Variants in FBXO25 observed in about 807,000 individuals in gnomAD.
The protein encoded by FBXO25 is F-box protein 25.
FBXO25 carries 45 observed loss-of-function variants against 51.9 expected under a neutral mutation model. The ratio of observed to expected loss-of-function variants is 0.87; its 90% CI spans 0.68 to 1.11. The LOEUF (loss-of-function observed/expected upper bound fraction) is 1.11, where lower values mean the gene tolerates loss of function less well. Ranked by LOEUF, FBXO25 falls within the 50% of genes most tolerant of loss-of-function variation. The pLI is 0.00. For missense variants in FBXO25, 507 were observed against 428.5 expected, an observed-to-expected ratio of 1.18 and a Z score of -1.62; for synonymous variants, 199 against 151.0, an observed-to-expected ratio of 1.32 and a Z score of -2.33.
intron 9 of FBXO25, among the ~76,000 whole-genome samples, chr8:466,391 G>T (rs1008012138): frequency 6.6e-6 from 1 of 152,200 alleles, no homozygotes; most frequent in African/African-American, 2.4e-5. Flanking sequence ...AGGAGCTGTG[G>T]ATGTTCAGCA....
At chr8:422,882 G>A (rs966783906) in intron 2 of FBXO25, among the ~76,000 whole-genome samples, 1 of 152,118 alleles carries the variant, frequency 6.6e-6, no homozygotes, top group Admixed American at 6.5e-5. Context: ...TATTGGGTAT[G>A]TGTTACGGGA....
At chr8:438,643 C>G (rs1367358278) in intron 5 of FBXO25, among the ~76,000 whole-genome samples, 1 of 152,224 alleles carries the variant, frequency 6.6e-6, no homozygotes, top group Non-Finnish European at 1.5e-5. Flanking sequence ...ATGCTCTTCA[C>G]TCAAGGCAGG....
intron 1 of FBXO25, among the ~76,000 whole-genome samples, chr8:412,566 C>A (rs188512828): frequency 1.3e-5 from 2 of 152,194 alleles, no homozygotes; most frequent in African/African-American, 4.8e-5. Context: ...TTTGGCCCCT[C>A]ATTGCCCTCA....
At chr8:419,004 C>G (rs1294429400) in intron 2 of FBXO25, among the ~76,000 whole-genome samples, 1 of 152,090 alleles carries the variant, frequency 6.6e-6, no homozygotes, top group African/African-American at 2.4e-5. Flanking sequence ...AAACCACAAG[C>G]TGTGAAAGAA....
chr8:462,760 A>T (rs772895015), intron 8 of FBXO25, among the ~76,000 whole-genome samples: 3 of 152,120 alleles, frequency 2.0e-5, no homozygotes, highest in Non-Finnish European at 4.4e-5. Flanking sequence ...GAAGGGTAGG[A>T]GGAGGGTGAG....
In FBXO25 at chr8:433,043, C is replaced by G. The variant is rs532357187; in HGVS notation, c.288+108C>G. ...AGTTGCATAAAACACATTTCTTTTG[C>G]AATATCAGATCTATGGTTCACATTC... On this transcript the variant is annotated intron_variant, in intron 4 of 9. Coordinates refer to ENST00000350302, the MANE Select transcript of FBXO25 (RefSeq NM_183420.2). 5 of 1,258,834 alleles carry G rather than the reference C, an allele frequency of 4.0e-6. No individual in the cohort carries two copies. In the South Asian group the frequency reaches 4.6e-5, roughly 12 times the overall value. The allele number at this position is 1,258,834 out of a possible 1,614,324, so 78.0% of individuals were successfully genotyped here. A position where few individuals can be genotyped will look rare whatever the true frequency, so the allele number is the denominator to read the frequency against.
intron 4 of FBXO25, among the ~76,000 whole-genome samples, chr8:433,638 A>C (rs756684458): frequency 1.3e-5 from 2 of 152,168 alleles, no homozygotes; most frequent in African/African-American, 2.4e-5. Context: ...CTTTACTAGG[A>C]TCCGGGAAGT....
rs1227601663 is a variant in FBXO25, at chr8:426,409, G to A, written c.135-4932G>A. On this transcript the variant is annotated intron_variant, in intron 2 of 9. Coordinates refer to ENST00000350302, the MANE Select transcript of FBXO25 (RefSeq NM_183420.2). The stretch of plus-strand genomic sequence containing the variant: ...TAATCCCTACTACAAAGCCACTCAC[G>A]AGTCCAGTTTTCATCATTTCTGATT... Among the ~76,000 whole-genome samples the A allele has an allele frequency of 7.2e-5, 11 of 151,986 alleles. No individual in the cohort carries two copies. The East Asian group carries it at 9.7e-4, about 13-fold the overall frequency.
rs1348623982 is a variant in FBXO25 at position 477,674 on chromosome 8, C to G, written c.*8870C>G. The G allele has an allele frequency of 6.6e-6, 1 of 152,272 alleles. No individual in the cohort carries two copies. Among genetic ancestry groups the G allele is most frequent in the Non-Finnish European group, 1.5e-5 (1 of 68,066 alleles). 9.4% of individuals were successfully genotyped at this position (152,272 alleles called of 1,614,324 possible). On this transcript the variant is annotated 3_prime_UTR_variant, in exon 10 of 10. Transcript: ENST00000350302. The stretch of plus-strand genomic sequence containing the variant: ...TTGGCTTTTCCAGCCATGGGGCTCT[C>G]TTGCCACTTGGCAGTAGTGGCATGA...
intron 1 of FBXO25, among the ~76,000 whole-genome samples, chr8:410,110 G>T (rs549168617): frequency 3.3e-5 from 5 of 152,254 alleles, no homozygotes; most frequent in South Asian, 2.1e-4. Flanking sequence ...TTTCTAGTCA[G>T]AGCTTTCCCA....
At chr8:444,980 A>T (rs17738097) in intron 5 of FBXO25, among the ~76,000 whole-genome samples, 1 of 152,160 alleles carries the variant, frequency 6.6e-6, no homozygotes, top group African/African-American at 2.4e-5. Flanking sequence ...ACTTCCTACA[A>T]TATTTGTGTT....
intron 7 of FBXO25, among the ~76,000 whole-genome samples, chr8:454,354 A>G (rs1025093134): frequency 6.6e-5 from 10 of 152,230 alleles, no homozygotes; most frequent in Admixed American, 3.3e-4. Flanking sequence ...GCAGGCACAC[A>G]GGTATGTGTT....
At chr8:437,799 G>T (rs1301947381) in intron 5 of FBXO25, among the ~76,000 whole-genome samples, 1 of 150,762 alleles carries the variant, frequency 6.6e-6, no homozygotes, top group Non-Finnish European at 1.5e-5. Context: ...CAGGTATTTG[G>T]TATTTTTTTG....
intron 5 of FBXO25, among the ~76,000 whole-genome samples, chr8:438,076 A>G (rs979487560): frequency 6.1e-5 from 9 of 147,148 alleles, no homozygotes; most frequent in African/African-American, 7.5e-5. Flanking sequence ...TTTTTTTTAG[A>G]TGGAGTCTCA....
chr8:431,001 AT>A (rs1288615560), intron 2 of FBXO25, among the ~76,000 whole-genome samples: 4 of 152,196 alleles, frequency 2.6e-5, no homozygotes, highest in Non-Finnish European at 5.9e-5. Context: ...AGTATTGGGT[AT>A]CATCATATTC....
chr8:455,316 C>T (rs745400050), intron 7 of FBXO25, among the ~76,000 whole-genome samples: 3 of 152,144 alleles, frequency 2.0e-5, no homozygotes, highest in African/African-American at 7.2e-5. Context: ...GGAAGTAAAC[C>T]CTCATTGCAT....
intron 7 of FBXO25, among the ~76,000 whole-genome samples, chr8:454,513 G>C (rs1175762698): frequency 2.0e-5 from 3 of 152,222 alleles, no homozygotes; most frequent in Non-Finnish European, 4.4e-5. Context: ...ATGTGTCACA[G>C]AACTCAGTGG....
chr8:456,492 G>A (rs927299233), intron 7 of FBXO25, among the ~76,000 whole-genome samples: 18 of 152,308 alleles, frequency 1.2e-4, no homozygotes, highest in Admixed American at 2.0e-4. Flanking sequence ...GAGAGCCTGC[G>A]GGGACCATGC....
At chr8:451,227 C>G in intron 6 of FBXO25, 42 bp from the exon 7 acceptor site, 2 of 1,534,706 alleles carry the variant, frequency 1.3e-6, no homozygotes, top group East Asian at 4.5e-5. Flanking sequence ...TAAAGTGTTG[C>G]TTAACTGTAT....
Sources: gnomAD v4.1 joint callset for allele counts (sites outside exome capture counted in the v4.1 genomes callset) on GRCh38, gnomAD v4.1.1 for gene constraint, MANE v1.5 for transcripts, NCBI Gene and HGNC (gene_info 2026-07-23, HGNC 2026-07-21) for gene names.